The following SERPINI2 variants were observed in gnomAD, a reference collection of about 807,000 sequenced individuals.
The protein encoded by SERPINI2 is serpin I2.
In SERPINI2, 48 loss-of-function variants were observed where a neutral mutation model predicts 47.3. The observed-to-expected ratio is 1.02, with a 90% CI of 0.81 to 1.29. The LOEUF (loss-of-function observed/expected upper bound fraction) is 1.29, where lower values mean the gene tolerates loss of function less well. Ranked by LOEUF, SERPINI2 falls within the 50% of genes most tolerant of loss-of-function variation. The pLI is 0.00. For missense variants in SERPINI2, 448 were observed against 456.9 expected, an observed-to-expected ratio of 0.98 and a Z score of 0.18; for synonymous variants, 135 against 149.3, an observed-to-expected ratio of 0.90 and a Z score of 0.70.
intron 5 of SERPINI2, among the ~76,000 whole-genome samples, chr3:167,456,018 A>G (rs1262251807): frequency 1.3e-5 from 2 of 152,136 alleles, no homozygotes; most frequent in Admixed American, 1.3e-4. Context: ...TACTGTTCAG[A>G]GCTGGAACCA....
intron 5 of SERPINI2, among the ~76,000 whole-genome samples, 164 bp from the exon 6 acceptor site, chr3:167,453,197 A>C (rs1166184499): frequency 3.3e-5 from 5 of 152,164 alleles, no homozygotes; most frequent in African/African-American, 9.7e-5. Context: ...CGGCTCCAAC[A>C]ATCAGCTCTG....
At chr3:167,467,009 T>G (rs769991569) in intron 3 of SERPINI2, 46 bp downstream of exon 3, 29 of 1,402,012 alleles carry the variant, frequency 2.1e-5, no homozygotes, top group Non-Finnish European at 2.7e-5. Flanking sequence ...TTAAAAACCA[T>G]GAATACAATG....
chr3:167,447,892 G>C (rs1265964669), intron 7 of SERPINI2, among the ~76,000 whole-genome samples: 1 of 152,184 alleles, frequency 6.6e-6, no homozygotes, highest in African/African-American at 2.4e-5. Context: ...AATTGTAAGG[G>C]AGTCCAGTGT....
At chr3:167,448,301 T>C (rs1183752410) in intron 7 of SERPINI2, among the ~76,000 whole-genome samples, 1 of 152,180 alleles carries the variant, frequency 6.6e-6, no homozygotes, top group Non-Finnish European at 1.5e-5. Context: ...GGATCTGAGA[T>C]TTTGCATTTC....
chr3:167,454,864 C>T (rs1749740687), intron 5 of SERPINI2, among the ~76,000 whole-genome samples: 1 of 152,162 alleles, frequency 6.6e-6, no homozygotes, highest in Non-Finnish European at 1.5e-5. Flanking sequence ...AGTTTTTAAT[C>T]TTTAGAAAAA....
intron 1 of SERPINI2, 179 bp from the exon 2 acceptor site, chr3:167,472,023 T>C (rs901532067): frequency 1.2e-4 from 63 of 523,720 alleles, no homozygotes; most frequent in Non-Finnish European, 2.1e-4. Flanking sequence ...CATGTGTTAA[T>C]GGTATTTCTT....
intron 5 of SERPINI2, among the ~76,000 whole-genome samples, chr3:167,462,809 G>T (rs1750022551): frequency 6.6e-6 from 1 of 152,124 alleles, no homozygotes; most frequent in Non-Finnish European, 1.5e-5. Context: ...AGTTGTATGG[G>T]AAGTGTGGCC....
chr3:167,465,760 T>A, intron 3 of SERPINI2, 87 bp from the exon 4 acceptor site: 2 of 1,154,842 alleles, frequency 1.7e-6, no homozygotes, highest in Non-Finnish European at 2.4e-6. Context: ...AGCAAAAGTG[T>A]CTTTTGCAGA....
At chr3:167,454,488 C>G (rs990812547) in intron 5 of SERPINI2, among the ~76,000 whole-genome samples, 1 of 152,054 alleles carries the variant, frequency 6.6e-6, no homozygotes, top group African/African-American at 2.4e-5. Flanking sequence ...GGGAGGTTGG[C>G]TTTTTTCCTG....
chr3:167,453,897 G>C (rs1425674510), intron 5 of SERPINI2, among the ~76,000 whole-genome samples: 1 of 152,172 alleles, frequency 6.6e-6, no homozygotes, highest in Non-Finnish European at 1.5e-5. Context: ...GGGGAAGCTA[G>C]TACTTATTGA....
intron 8 of SERPINI2, among the ~76,000 whole-genome samples, chr3:167,444,856 A>C (rs1001015416): frequency 8.5e-5 from 13 of 152,168 alleles, no homozygotes; most frequent in African/African-American, 2.9e-4. Context: ...GATAGCTGTT[A>C]CTTGGCCTTT....
intron 2 of SERPINI2, among the ~76,000 whole-genome samples, chr3:167,470,550 C>CTT (rs536884425): frequency 0.026 from 2,379 of 92,900 alleles, 353 homozygotes; most frequent in African/African-American, 0.13. Flanking sequence ...TGAGCAACAA[C>CTT]TTTTTTTTTT....
rs112652738 is a variant in SERPINI2, at chr3:167,449,408, TA to T, written c.965-7del. 6.0e-4 allele frequency: 909 copies of T among 1,518,516 alleles called. No homozygotes were observed. Among genetic ancestry groups the T allele is most frequent in the Admixed American group, 1.1e-3 (61 of 56,334 alleles). The allele number at this position is 1,518,516 out of a possible 1,614,324, so 94.1% of individuals were successfully genotyped here. A position where few individuals can be genotyped will look rare whatever the true frequency, so the allele number is the denominator to read the frequency against. Reference sequence around the variant, plus strand: ...AACATACACTTCAGATGAATCTGGTTAAAAAAAAATACACAAAAGTGTATTT... The same window carrying T: ...AACATACACTTCAGATGAATCTGGTTAAAAAAAATACACAAAAGTGTATTT... On this transcript the variant is annotated splice_polypyrimidine_tract_variant and splice_region_variant and intron_variant, in intron 6 of 8. Transcript: ENST00000264677.
upstream of SERPINI2, among the ~76,000 whole-genome samples, chr3:167,476,087 T>C (rs890780019): frequency 2.0e-5 from 3 of 151,832 alleles, no homozygotes; most frequent in Non-Finnish European, 3.0e-5. Flanking sequence ...ATATTTAGTG[T>C]AAATATAAGT....
intron 5 of SERPINI2, among the ~76,000 whole-genome samples, chr3:167,453,365 A>T (rs916046769): frequency 2.0e-5 from 3 of 152,078 alleles, no homozygotes; most frequent in Non-Finnish European, 4.4e-5. Context: ...CAAGTCTAAA[A>T]TTTCCCTCTT....
intron 4 of SERPINI2, 35 bp from the exon 5 acceptor site, chr3:167,465,433 G>A: frequency 6.2e-7 from 1 of 1,603,730 alleles, no homozygotes; most frequent in Non-Finnish European, 8.5e-7. Flanking sequence ...AAATATACTT[G>A]GCAATTCTCA....
At chr3:167,467,006 C>T in intron 3 of SERPINI2, 49 bp downstream of exon 3, 2 of 1,373,842 alleles carry the variant, frequency 1.5e-6, no homozygotes, top group South Asian at 2.5e-5. Flanking sequence ...ATATTAAAAA[C>T]CATGAATACA....
intron 5 of SERPINI2, 119 bp from the exon 6 acceptor site, chr3:167,453,152 C>T: frequency 1.9e-6 from 1 of 527,828 alleles, no homozygotes; most frequent in Non-Finnish European, 3.3e-6. Flanking sequence ...TTTATTATCT[C>T]AATTACATTT....
At chr3:167,462,444 T>A (rs1161967183) in intron 5 of SERPINI2, among the ~76,000 whole-genome samples, 1 of 152,214 alleles carries the variant, frequency 6.6e-6, no homozygotes, top group Non-Finnish European at 1.5e-5. Context: ...GATGGCCATT[T>A]TTTTCCCTGT....
Sources: allele counts gnomAD v4.1 joint callset (sites outside exome capture counted in the v4.1 genomes callset), GRCh38; gene constraint gnomAD v4.1.1; transcripts MANE v1.5; gene names NCBI Gene and HGNC (gene_info 2026-07-23, HGNC 2026-07-21).